The following RMDN2 variants were observed in gnomAD, a reference collection of about 807,000 sequenced individuals.
RMDN2 encodes regulator of microtubule dynamics 2.
In RMDN2, 61 loss-of-function variants were observed where a neutral mutation model predicts 52.8. That is an observed-to-expected ratio of 1.16 (90% confidence interval 0.94 to 1.43). The LOEUF (loss-of-function observed/expected upper bound fraction) is 1.43, where lower values mean the gene tolerates loss of function less well. Ranked by LOEUF, RMDN2 falls within the 40% of genes most tolerant of loss-of-function variation. RMDN2 has a pLI of 0.00. For missense variants in RMDN2, 592 were observed against 475.3 expected, an observed-to-expected ratio of 1.25 and a Z score of -2.28; for synonymous variants, 180 against 153.1, an observed-to-expected ratio of 1.18 and a Z score of -1.30.
intron 2 of RMDN2, among the ~76,000 whole-genome samples, chr2:37,966,590 T>C (rs868168620): frequency 3.0e-4 from 46 of 152,274 alleles, no homozygotes; most frequent in Middle Eastern, 3.4e-3. Context: ...TTAGGCTCTA[T>C]TTACTTTTTT....
intron 2 of RMDN2, among the ~76,000 whole-genome samples, chr2:37,954,838 G>A (rs1669253429): frequency 1.3e-5 from 2 of 151,972 alleles, no homozygotes; most frequent in African/African-American, 2.4e-5. Context: ...CACAAACATG[G>A]CATGTCTTTC....
intron 4 of RMDN2, among the ~76,000 whole-genome samples, chr2:37,980,128 A>AT (rs535190507): frequency 4.6e-5 from 7 of 152,292 alleles, no homozygotes; most frequent in Non-Finnish European, 7.4e-5. Flanking sequence ...TTAGAAAAGC[A>AT]TTTTGCATAT....
intron 10 of RMDN2, among the ~76,000 whole-genome samples, chr2:38,045,911 C>T (rs968289215): frequency 3.3e-5 from 5 of 151,970 alleles, no homozygotes; most frequent in Non-Finnish European, 5.9e-5. Context: ...GGAAAACAAA[C>T]ATGAAGGCCA....
chr2:38,017,549 C>G lies in RMDN2; in HGVS notation c.*310C>G, dbSNP rs1229389482. ...ATATTTAAATCCAATAAAATGAATT[C>G]TCATGAATATTTTATTGTTTCAATG... On this transcript the variant is annotated 3_prime_UTR_variant, in exon 11 of 11. Transcript: ENST00000354545. 10 of 1,147,578 alleles carry G rather than the reference C, an allele frequency of 8.7e-6. No homozygotes were observed. Among genetic ancestry groups the G allele is most frequent in the Non-Finnish European group, 6.9e-6 (6 of 868,028 alleles). The allele number at this position is 1,147,578 out of a possible 1,614,324, so 71.1% of individuals were successfully genotyped here.
chr2:37,963,626 G>C (rs1029194011), intron 2 of RMDN2, among the ~76,000 whole-genome samples: 3 of 152,184 alleles, frequency 2.0e-5, no homozygotes, highest in Non-Finnish European at 4.4e-5. Flanking sequence ...GAGAGCACAG[G>C]GTTGGGGGCA....
At chr2:37,934,603 C>A (rs1323714251) in intron 2 of RMDN2, among the ~76,000 whole-genome samples, 2 of 151,856 alleles carry the variant, frequency 1.3e-5, no homozygotes, top group Non-Finnish European at 1.5e-5. Flanking sequence ...TATGCTGTGG[C>A]AGCATCAGTT....
chr2:37,966,468 T>G (rs78764107), intron 2 of RMDN2, among the ~76,000 whole-genome samples: 1 of 152,130 alleles, frequency 6.6e-6, no homozygotes, highest in East Asian at 1.9e-4. Context: ...TTCCTAGATT[T>G]GGCTTTGGCC....
intron 8 of RMDN2, among the ~76,000 whole-genome samples, chr2:38,003,658 A>G (rs143352198): frequency 6.6e-6 from 1 of 152,212 alleles, no homozygotes; most frequent in Non-Finnish European, 1.5e-5. Flanking sequence ...GAATATCACC[A>G]GTTGTTTTTG....
intron 5 of RMDN2, among the ~76,000 whole-genome samples, chr2:37,982,125 C>A (rs1012810280): frequency 6.6e-6 from 1 of 152,178 alleles, no homozygotes; most frequent in Admixed American, 6.5e-5. Context: ...TATTTCCCAT[C>A]CCTATGATGT....
At chr2:38,046,800 T>C (rs987025183) in intron 10 of RMDN2, among the ~76,000 whole-genome samples, 2 of 152,066 alleles carry the variant, frequency 1.3e-5, no homozygotes, top group African/African-American at 2.4e-5. Flanking sequence ...CTGGCCAATA[T>C]GGTGAAACCC....
At chr2:37,945,516 C>G (rs775826303) in intron 2 of RMDN2, among the ~76,000 whole-genome samples, 2 of 152,152 alleles carry the variant, frequency 1.3e-5, no homozygotes, top group African/African-American at 2.4e-5. Context: ...ACCCCGATAC[C>G]TTGGCACCAA....
At chr2:38,009,536 C>T (rs547877446) in intron 10 of RMDN2, among the ~76,000 whole-genome samples, 2 of 152,184 alleles carry the variant, frequency 1.3e-5, no homozygotes, top group Non-Finnish European at 2.9e-5. Context: ...TCACGTAGTT[C>T]TCGTGCCTTG....
downstream of RMDN2, among the ~76,000 whole-genome samples, chr2:38,021,519 A>C (rs1318442398): frequency 6.6e-6 from 1 of 152,062 alleles, no homozygotes; most frequent in Non-Finnish European, 1.5e-5. Flanking sequence ...AGCCAGCGAG[A>C]CCACAAACCC....
At chr2:37,964,532 A>T (rs1670776749) in intron 2 of RMDN2, among the ~76,000 whole-genome samples, 1 of 152,182 alleles carries the variant, frequency 6.6e-6, no homozygotes, top group Non-Finnish European at 1.5e-5. Flanking sequence ...GTTTATTGTG[A>T]TCCAGAAAAT....
At chr2:37,949,691 T>A (rs1572751575) in intron 2 of RMDN2, among the ~76,000 whole-genome samples, 2 of 152,030 alleles carry the variant, frequency 1.3e-5, no homozygotes, top group East Asian at 1.9e-4. Flanking sequence ...CAGTAGGGTG[T>A]TAGGAAGGGA....
chr2:38,019,754 T>C (rs1297724400), downstream of RMDN2, among the ~76,000 whole-genome samples: 1 of 151,896 alleles, frequency 6.6e-6, no homozygotes, highest in Admixed American at 6.6e-5. Flanking sequence ...GGCAACATGG[T>C]GAAATCCCAT....
chr2:37,926,600 A>G (rs983242491), intron 1 of RMDN2, among the ~76,000 whole-genome samples: 1 of 152,020 alleles, frequency 6.6e-6, no homozygotes, highest in African/African-American at 2.4e-5. Flanking sequence ...TAATTACTAT[A>G]TTTTTTTATA....
intron 2 of RMDN2, chr2:37,950,194 TGGTGAGAGAGATGGTCCAA>T (rs1366780037): frequency 1.3e-4 from 45 of 336,108 alleles, no homozygotes; most frequent in Non-Finnish European, 1.4e-4. Flanking sequence ...GGAAGGCAGC[TGGTGAGAGAGATGGTCCAA>T]GGTGAGAGAG....
intron 10 of RMDN2, among the ~76,000 whole-genome samples, chr2:38,050,554 A>T (rs1681529539): frequency 6.6e-6 from 1 of 152,266 alleles, no homozygotes; most frequent in African/African-American, 2.4e-5. Context: ...ATATAGTTTT[A>T]GTTGGTCAGA....
Sources: gnomAD v4.1 joint callset for allele counts (sites outside exome capture counted in the v4.1 genomes callset) on GRCh38, gnomAD v4.1.1 for gene constraint, MANE v1.5 for transcripts, NCBI Gene and HGNC (gene_info 2026-07-23, HGNC 2026-07-21) for gene names.